The following GCNT2 variants were observed in gnomAD, a reference collection of about 807,000 sequenced individuals.
GCNT2 encodes the protein N-acetyllactosaminide beta-1,6-N-acetylglucosaminyl-transferase.
GCNT2 carries 34 observed loss-of-function variants against 34.2 expected under a neutral mutation model. The observed-to-expected ratio is 1.00, with a 90% CI of 0.76 to 1.32. GCNT2 has a LOEUF of 1.32. GCNT2 is among the 40% of genes most tolerant of loss of function. The pLI, the probability that GCNT2 is intolerant of heterozygous loss-of-function variation, is 0.00. For missense variants in GCNT2, 584 were observed against 489.4 expected (o/e 1.19, Z -1.82); for synonymous variants, 212 against 188.0 (o/e 1.13, Z -1.04).
At chr6:10,543,391 A>G (rs1467370696) in intron 3 of GCNT2, among the ~76,000 whole-genome samples, 1 of 151,920 alleles carries the variant, frequency 6.6e-6, no homozygotes, top group African/African-American at 2.4e-5. Context: ...GGGTTTCACC[A>G]TGTTGTTCAG....
Position 10,529,342 on chromosome 6 carries a change from T to A in GCNT2, c.431T>A (p.Leu144His). The A allele has an allele frequency of 6.2e-7, 1 of 1,614,004 alleles. No individual in the cohort carries two copies. The highest frequency in any genetic ancestry group is 8.5e-7 in the Non-Finnish European group (1 of 1,180,000). ...DAFKGAVKQL[L>H]SCFPNAFLAS... is the part of the protein sequence containing the mutation. ...TTTAAAGGTGCAGTGAAACAGTTAC[T>A]CAGCTGCTTCCCAAATGCTTTTCTG... The change falls in exon 3 of 5, where the codon CTC becomes CAC. Residue 144 changes from leucine (L) to histidine (H), a missense_variant. Leu to His is a moderately conservative substitution (Grantham distance 99). Coordinates refer to ENST00000495262, the MANE Select transcript of GCNT2 (RefSeq NM_145649.5).
chr6:10,621,065 G>T (rs975320965), intron 3 of GCNT2, among the ~76,000 whole-genome samples: 1 of 152,064 alleles, frequency 6.6e-6, no homozygotes, highest in African/African-American at 2.4e-5. Context: ...CCCCTCAACC[G>T]AATTAGGTAT....
chr6:10,624,613 T>C (rs1766183487), intron 4 of GCNT2, among the ~76,000 whole-genome samples: 1 of 152,136 alleles, frequency 6.6e-6, no homozygotes, highest in Non-Finnish European at 1.5e-5. Flanking sequence ...AGCCTTTCTA[T>C]TCTCAAAAGC....
intron 3 of GCNT2, among the ~76,000 whole-genome samples, chr6:10,561,266 G>A (rs780220155): frequency 2.6e-5 from 4 of 152,070 alleles, no homozygotes; most frequent in African/African-American, 4.8e-5. Flanking sequence ...GGGTTCAAGC[G>A]ATTCTCCTGC....
chr6:10,582,220 AATT>A (rs1206577810), intron 3 of GCNT2, among the ~76,000 whole-genome samples: 28 of 126,838 alleles, frequency 2.2e-4, no homozygotes, highest in Non-Finnish European at 3.3e-4. Context: ...TTATATATAT[AATT>A]ATATATATTT....
chr6:10,609,472 C>T (rs2070369991), intron 3 of GCNT2, among the ~76,000 whole-genome samples: 1 of 152,192 alleles, frequency 6.6e-6, no homozygotes, highest in Non-Finnish European at 1.5e-5. Context: ...CTGGTCAGTT[C>T]TTAAGGTCCC....
chr6:10,552,158 G>T (rs1291785875), intron 3 of GCNT2, among the ~76,000 whole-genome samples: 3 of 152,100 alleles, frequency 2.0e-5, no homozygotes, highest in Non-Finnish European at 2.9e-5. Flanking sequence ...AAATGATTGG[G>T]CCCCCGGAGA....
At chr6:10,530,048 C>T (rs533104129) in intron 3 of GCNT2, 55 of 537,026 alleles carry the variant, frequency 1.0e-4, no homozygotes, top group African/African-American at 4.0e-4. Context: ...GACAAAAGAC[C>T]GAAGGAACAC....
chr6:10,534,906 G>A lies in GCNT2; in HGVS notation c.925+5070G>A, dbSNP rs201475141. On this transcript the variant is annotated intron_variant, in intron 3 of 4. Transcript: ENST00000495262. ...AGCAAGCAAAACAAAACATGGGTCC[G>A]GGCACAGTGGCTCACGCCTGTAATC... Among the ~76,000 whole-genome samples, 31 of 152,182 alleles carry A rather than the reference G, an allele frequency of 2.0e-4. 1 individual carries two copies. The East Asian group carries it at 3.7e-3, about 18-fold the overall frequency.
intron 3 of GCNT2, among the ~76,000 whole-genome samples, chr6:10,543,744 G>A (rs367574511): frequency 5.7e-4 from 87 of 152,240 alleles, no homozygotes; most frequent in African/African-American, 1.9e-3. Context: ...TATCTTCTTA[G>A]AAGAGGACTA....
Position 10,529,627 on chromosome 6 carries a change from A to G in GCNT2, c.716A>G (p.His239Arg). 6.2e-7 allele frequency: 1 copy of G among 1,614,152 alleles called. No homozygotes were observed. The highest frequency in any genetic ancestry group is 8.5e-7 in the Non-Finnish European group (1 of 1,179,996). The change falls in exon 3 of 5, where the codon CAC (histidine) becomes CGC (arginine). Residue 239 changes from histidine to arginine, a missense_variant. By Grantham distance (29) the His-to-Arg change is conservative. Coordinates refer to ENST00000495262, the MANE Select transcript of GCNT2 (RefSeq NM_145649.5). Reference sequence around the variant, plus strand: ...TACGTCCACCAAGAACTGTTAAACCACAAAAATTCCTACGTGATTAAAACA... The same window carrying G: ...TACGTCCACCAAGAACTGTTAAACCGCAAAAATTCCTACGTGATTAAAACA... ...TKYVHQELLN[H>R]KNSYVIKTTK...
At chr6:10,556,891 C>T (rs147905083) in intron 3 of GCNT2, 3 of 1,614,050 alleles carry the variant, frequency 1.9e-6, no homozygotes, top group Admixed American at 1.7e-5. Context: ...AGATGGAACC[C>T]GTTGTCTATG....
chr6:10,559,515 A>AT (rs1254903245), intron 3 of GCNT2, among the ~76,000 whole-genome samples: 2 of 152,250 alleles, frequency 1.3e-5, no homozygotes, highest in African/African-American at 2.4e-5. Flanking sequence ...GACCCCTTTC[A>AT]TTCCTACACA....
At chr6:10,539,146 T>A (rs1239043527) in intron 3 of GCNT2, among the ~76,000 whole-genome samples, 1 of 146,246 alleles carries the variant, frequency 6.8e-6, no homozygotes, top group African/African-American at 2.5e-5. Flanking sequence ...CAAACAGGCC[T>A]GAGTTTAAAG....
intron 3 of GCNT2, among the ~76,000 whole-genome samples, chr6:10,566,365 A>G (rs978953409): frequency 3.3e-5 from 5 of 152,114 alleles, no homozygotes; most frequent in African/African-American, 9.7e-5. Context: ...TGATACCATC[A>G]TGGCTCACTG....
intron 3 of GCNT2, among the ~76,000 whole-genome samples, chr6:10,549,597 G>A (rs201649715): frequency 7.8e-6 from 1 of 128,990 alleles, no homozygotes; most frequent in African/African-American, 3.1e-5. Flanking sequence ...TTTGAGACAG[G>A]GTCTCGCTCT....
intron 3 of GCNT2, among the ~76,000 whole-genome samples, chr6:10,538,635 C>CT (rs1327597171): frequency 6.6e-6 from 1 of 151,102 alleles, no homozygotes; most frequent in South Asian, 2.1e-4. Flanking sequence ...ATGATTTTGA[C>CT]TTTTTTTTGA....
intron 3 of GCNT2, among the ~76,000 whole-genome samples, chr6:10,582,280 A>ATATGT (rs1554133557): frequency 8.8e-6 from 1 of 113,154 alleles, no homozygotes; most frequent in African/African-American, 3.6e-5. Context: ...AAATATATAA[A>ATATGT]TATATATAAT....
chr6:10,574,899 C>T, intron 3 of GCNT2: 1 of 699,204 alleles, frequency 1.4e-6, no homozygotes, highest in South Asian at 1.4e-5. Flanking sequence ...GATCGTTTTT[C>T]TTCAAGCGTT....
Sources: allele counts gnomAD v4.1 joint callset (sites outside exome capture counted in the v4.1 genomes callset), GRCh38; gene constraint gnomAD v4.1.1; transcripts MANE v1.5; gene names NCBI Gene and HGNC (gene_info 2026-07-23, HGNC 2026-07-21).